The following HMGCLL1 variants were observed in gnomAD, a reference collection of about 807,000 sequenced individuals.
HMGCLL1 encodes the protein 3-hydroxymethyl-3-methylglutaryl-CoA lyase, cytoplasmic.
A neutral mutation model predicts 39.1 loss-of-function variants in HMGCLL1; 36 were observed. That is an observed-to-expected ratio of 0.92 (90% CI 0.71 to 1.22). The LOEUF (loss-of-function observed/expected upper bound fraction) is 1.22, where lower values mean the gene tolerates loss of function less well. Ranked by LOEUF, HMGCLL1 falls within the 50% of genes most tolerant of loss-of-function variation. The pLI is 0.00. For missense variants in HMGCLL1, 451 were observed against 416.5 expected (o/e 1.08, Z -0.72); for synonymous variants, 149 against 144.0 (o/e 1.03, Z -0.25).
At chr6:55,587,666 G>A in the HMGCLL1 span, among the ~76,000 whole-genome samples, 7 of 152,026 alleles carry the variant, frequency 4.6e-5, no homozygotes, top group East Asian at 7.8e-4. Context: ...CCCATCTCAC[G>A]TGCAGAGACA....
At chr6:55,639,385 G>A in the HMGCLL1 span, among the ~76,000 whole-genome samples, 24 of 149,862 alleles carry the variant, frequency 1.6e-4, no homozygotes, top group East Asian at 1.2e-3. Flanking sequence ...TTTATTGAAC[G>A]TCTACTAGAT....
the HMGCLL1 span, among the ~76,000 whole-genome samples, chr6:55,604,722 C>A: frequency 0.037 from 5,619 of 151,984 alleles, 169 homozygotes; most frequent in Non-Finnish European, 0.06. Flanking sequence ...GCAGAAAACC[C>A]AAATCTACAG....
the HMGCLL1 span, among the ~76,000 whole-genome samples, chr6:55,621,004 C>T: frequency 6.6e-6 from 1 of 151,922 alleles, no homozygotes; most frequent in South Asian, 2.1e-4. Context: ...ATGCCACTAC[C>T]ATGCTGTTTT....
chr6:55,451,349 G>A (rs534085902), intron 7 of HMGCLL1, among the ~76,000 whole-genome samples: 195 of 152,166 alleles, frequency 1.3e-3, no homozygotes, highest in African/African-American at 4.5e-3. Context: ...AGGGCTGGGC[G>A]CGGTGGCTCA....
chr6:55,462,518 T>C (rs9475302), intron 7 of HMGCLL1, among the ~76,000 whole-genome samples: 2,079 of 152,302 alleles, frequency 0.014, 44 homozygotes, highest in African/African-American at 0.047. Flanking sequence ...TTAAATTTTC[T>C]AGAGACTTTA....
intron 7 of HMGCLL1, among the ~76,000 whole-genome samples, chr6:55,481,630 A>T (rs13197791): frequency 6.6e-6 from 1 of 151,812 alleles, no homozygotes; most frequent in African/African-American, 2.4e-5. Context: ...TAGTGAAAGC[A>T]TGCCCTATTT....
At chr6:55,645,906 A>C in the HMGCLL1 span, among the ~76,000 whole-genome samples, 1 of 151,930 alleles carries the variant, frequency 6.6e-6, no homozygotes, top group Non-Finnish European at 1.5e-5. Flanking sequence ...CTGGCCTCAT[A>C]TAAAATGAGT....
intron 1 of HMGCLL1, chr6:55,563,725 C>T (rs971765126): frequency 3.9e-5 from 17 of 432,092 alleles, no homozygotes; most frequent in Non-Finnish European, 6.1e-5. Flanking sequence ...TCAAAACTAG[C>T]TAAATAAGAG....
At chr6:55,579,212 A>T, upstream of HMGCLL1, 2 of 627,476 alleles carry the variant, frequency 3.2e-6, no homozygotes, top group Non-Finnish European at 5.6e-6. Context: ...CGGCGCCGAG[A>T]GGGCGGGGAG....
intron 5 of HMGCLL1, among the ~76,000 whole-genome samples, chr6:55,503,287 G>C (rs938797009): frequency 6.6e-6 from 1 of 151,738 alleles, no homozygotes; most frequent in African/African-American, 2.4e-5. Context: ...ACTTTGCATT[G>C]GCAAAGAGGT....
chr6:55,594,631 G>A, the HMGCLL1 span, among the ~76,000 whole-genome samples: 24 of 152,190 alleles, frequency 1.6e-4, no homozygotes, highest in African/African-American at 4.8e-4. Flanking sequence ...AGTAGAGCAC[G>A]CAGGGTGCTA....
At chr6:55,528,865 G>A (rs972901155) in intron 3 of HMGCLL1, among the ~76,000 whole-genome samples, 1 of 151,912 alleles carries the variant, frequency 6.6e-6, no homozygotes, top group African/African-American at 2.4e-5. Flanking sequence ...AAAACAGGAA[G>A]CATATGACCC....
At chr6:55,518,633 C>T (rs1362471829) in intron 3 of HMGCLL1, among the ~76,000 whole-genome samples, 3 of 152,098 alleles carry the variant, frequency 2.0e-5, no homozygotes, top group African/African-American at 4.8e-5. Context: ...GGGAAATCAG[C>T]CAACATCCTG....
chr6:55,590,669 T>C, the HMGCLL1 span, among the ~76,000 whole-genome samples: 1 of 152,028 alleles, frequency 6.6e-6, no homozygotes, highest in Non-Finnish European at 1.5e-5. Context: ...GAGATTTTTA[T>C]CTCATGCTTA....
chr6:55,655,954 C>A, the HMGCLL1 span, among the ~76,000 whole-genome samples: 1 of 151,916 alleles, frequency 6.6e-6, no homozygotes, highest in Non-Finnish European at 1.5e-5. Context: ...GAGTTCATTT[C>A]TAGAGATCAT....
At chr6:55,549,281 T>C (rs1428252104) in intron 1 of HMGCLL1, among the ~76,000 whole-genome samples, 4 of 151,740 alleles carry the variant, frequency 2.6e-5, no homozygotes, top group African/African-American at 4.9e-5. Flanking sequence ...ACCAACAAAA[T>C]TTGTTTGATC....
chr6:55,639,202 T>G, the HMGCLL1 span, among the ~76,000 whole-genome samples: 1 of 152,022 alleles, frequency 6.6e-6, no homozygotes, highest in African/African-American at 2.4e-5. Context: ...CAATAAATGT[T>G]AGCTACTATT....
intron 7 of HMGCLL1, among the ~76,000 whole-genome samples, chr6:55,440,246 C>T (rs1226161585): frequency 6.6e-6 from 1 of 152,106 alleles, no homozygotes; most frequent in Admixed American, 6.6e-5. Context: ...CAATTCTCCC[C>T]AAAATCCATG....
the HMGCLL1 span, among the ~76,000 whole-genome samples, chr6:55,587,996 G>A: frequency 2.4e-4 from 36 of 152,168 alleles, no homozygotes; most frequent in Middle Eastern, 6.8e-3. Flanking sequence ...ACAAATCAAC[G>A]AGACAGAAAG....
Sources: gnomAD v4.1 joint callset for allele counts (sites outside exome capture counted in the v4.1 genomes callset) on GRCh38, gnomAD v4.1.1 for gene constraint, MANE v1.5 for transcripts, NCBI Gene and HGNC (gene_info 2026-07-23, HGNC 2026-07-21) for gene names.